DOCK4: variants seen among roughly 807,000 people sequenced by gnomAD.
The protein encoded by DOCK4 is dedicator of cytokinesis protein 4.
A neutral mutation model predicts 268.1 loss-of-function variants in DOCK4; 97 were observed. That is an observed-to-expected ratio of 0.36 (90% CI 0.31 to 0.43). The LOEUF (loss-of-function observed/expected upper bound fraction) is 0.43. Ranked by LOEUF, DOCK4 falls within the 20% of genes least tolerant of loss-of-function variation. The probability of loss-of-function intolerance (pLI) is 1.00; values close to 1 mark genes in which losing one functional copy is unlikely to be tolerated. For synonymous variants in DOCK4, 954 were observed against 887.2 expected (o/e 1.08, Z -1.34); for missense variants, 2,145 against 2,455.7 (o/e 0.87, Z 2.67).
chr7:111,943,105 T>C (rs1437110365), intron 10 of DOCK4, among the ~76,000 whole-genome samples: 1 of 152,218 alleles, frequency 6.6e-6, no homozygotes. Context: ...GGTCTCAAAA[T>C]GTTGAACTGG....
At chr7:112,017,724 C>T (rs1327784399) in intron 1 of DOCK4, among the ~76,000 whole-genome samples, 2 of 152,116 alleles carry the variant, frequency 1.3e-5, no homozygotes, top group Non-Finnish European at 2.9e-5. Context: ...GCACTGAGAA[C>T]ACCAATCTCT....
intron 1 of DOCK4, among the ~76,000 whole-genome samples, chr7:112,166,459 A>G (rs955022207): frequency 6.6e-6 from 1 of 152,216 alleles, no homozygotes; most frequent in South Asian, 2.1e-4. Flanking sequence ...TTTTGTGTGT[A>G]TGTGCGTACG....
At chr7:111,908,461 A>AAATAATAATAATAATAATAAT (rs3055494) in intron 13 of DOCK4, among the ~76,000 whole-genome samples, 10,393 of 150,072 alleles carry the variant, frequency 0.069, 498 homozygotes, top group African/African-American at 0.13. Flanking sequence ...AAAATAAATA[A>AAATAATAATAATAATAATAAT]AATAATAATA....
intron 1 of DOCK4, among the ~76,000 whole-genome samples, chr7:112,128,878 C>T (rs537130397): frequency 4.0e-4 from 61 of 151,902 alleles, no homozygotes; most frequent in Non-Finnish European, 7.4e-4. Context: ...CCTGCCAAAT[C>T]CCCCTCTGCG....
At chr7:112,108,902 T>A (rs201051853) in intron 1 of DOCK4, among the ~76,000 whole-genome samples, 1 of 152,142 alleles carries the variant, frequency 6.6e-6, no homozygotes, top group African/African-American at 2.4e-5. Flanking sequence ...GACCCCTTAT[T>A]TCTGAGCACT....
chr7:111,752,747 C>T lies in DOCK4; in HGVS notation c.4416+2768G>A, dbSNP rs1365783268. On this transcript the variant is annotated intron_variant, in intron 42 of 52. Transcript: ENST00000428084. ...GACTACAGGTGCGTGCCACCATGCC[C>T]GGCTACTTTTTTGTATTTTTAGTAC... Among the ~76,000 whole-genome samples, 5 of 151,440 alleles carry T rather than the reference C, an allele frequency of 3.3e-5. No individual in the cohort carries two copies. In the South Asian group the frequency reaches 1.0e-3, roughly 32 times the overall value.
chr7:111,960,782 T>C (rs1796815012), intron 8 of DOCK4, among the ~76,000 whole-genome samples: 1 of 152,156 alleles, frequency 6.6e-6, no homozygotes, highest in Non-Finnish European at 1.5e-5. Flanking sequence ...CATGCACTCT[T>C]TGTCTCTCTG....
intron 30 of DOCK4, among the ~76,000 whole-genome samples, chr7:111,802,797 C>A (rs577569855): frequency 6.6e-6 from 1 of 152,076 alleles, no homozygotes; most frequent in Non-Finnish European, 1.5e-5. Context: ...TAAAAAAAAT[C>A]CATACATCCA....
chr7:111,751,443 T>A (rs542284312), intron 42 of DOCK4, among the ~76,000 whole-genome samples: 122 of 150,426 alleles, frequency 8.1e-4, no homozygotes, highest in African/African-American at 2.0e-3. Context: ...GTAAAAATAT[T>A]TTTTTTTTTT....
intron 1 of DOCK4, among the ~76,000 whole-genome samples, chr7:112,078,983 C>A (rs1586779018): frequency 6.6e-6 from 1 of 152,062 alleles, no homozygotes; most frequent in African/African-American, 2.4e-5. Context: ...AAAAATTAGC[C>A]GGGTATGGTG....
At chr7:111,780,491 G>T (rs2133745926) in intron 35 of DOCK4, among the ~76,000 whole-genome samples, 1 of 152,218 alleles carries the variant, frequency 6.6e-6, no homozygotes, top group East Asian at 1.9e-4. Flanking sequence ...GTAAGAAGCA[G>T]CTTTGAGAAC....
intron 6 of DOCK4, among the ~76,000 whole-genome samples, chr7:111,984,721 C>A (rs1798916763): frequency 6.6e-6 from 1 of 152,176 alleles, no homozygotes; most frequent in African/African-American, 2.4e-5. Context: ...GCCTTCCACA[C>A]TGGAGTGAAT....
chr7:111,786,304 GCA>G (rs1799160330), intron 32 of DOCK4, among the ~76,000 whole-genome samples: 1 of 152,130 alleles, frequency 6.6e-6, no homozygotes, highest in Admixed American at 6.5e-5. Flanking sequence ...TGCTTCCACA[GCA>G]CAGTCACTGC....
chr7:112,078,438 A>C (rs1808276373), intron 1 of DOCK4, among the ~76,000 whole-genome samples: 2 of 152,194 alleles, frequency 1.3e-5, no homozygotes, highest in African/African-American at 4.8e-5. Flanking sequence ...AGGTATTATA[A>C]GTCTTATTAT....
intron 8 of DOCK4, among the ~76,000 whole-genome samples, chr7:111,963,140 T>C (rs983258755): frequency 6.6e-6 from 1 of 151,966 alleles, no homozygotes; most frequent in Non-Finnish European, 1.5e-5. Context: ...ATAAGGGAGG[T>C]AGTCAACCAG....
At chr7:112,164,836 G>A (rs755394496) in intron 1 of DOCK4, among the ~76,000 whole-genome samples, 1 of 152,202 alleles carries the variant, frequency 6.6e-6, no homozygotes, top group Non-Finnish European at 1.5e-5. Flanking sequence ...GGCAAAGCCA[G>A]AATATGCTCC....
chr7:112,058,682 T>C (rs1806074931), intron 1 of DOCK4, among the ~76,000 whole-genome samples: 1 of 152,026 alleles, frequency 6.6e-6, no homozygotes, highest in Non-Finnish European at 1.5e-5. Context: ...ATAAGGGTCA[T>C]AGACAGAATA....
chr7:111,940,284 G>T, intron 10 of DOCK4, 42 bp from the exon 11 acceptor site: 1 of 1,612,936 alleles, frequency 6.2e-7, no homozygotes, highest in South Asian at 1.1e-5. Context: ...GGAGCCATTT[G>T]ATTAGATGCA....
rs992441524 is a variant in DOCK4, at chr7:112,075,281, G to A, written c.38-71150C>T. Among the ~76,000 whole-genome samples, 21 of 152,160 alleles carry A rather than the reference G, an allele frequency of 1.4e-4. 1 individual carries two copies. Among genetic ancestry groups the A allele is most frequent in the Middle Eastern group, 6.3e-3 (2 of 316 alleles). The stretch of plus-strand genomic sequence containing the variant: ...CCTGCTCATGAAAATAATTTTTGCA[G>A]GGAAAGAGAGGCAAGACTGGAGGAG... On this transcript the variant is annotated intron_variant, in intron 1 of 52. Coordinates refer to ENST00000428084, the MANE Select transcript of DOCK4 (RefSeq NM_001363540.2).
Sources: gnomAD v4.1 joint callset for allele counts (sites outside exome capture counted in the v4.1 genomes callset) on GRCh38, gnomAD v4.1.1 for gene constraint, MANE v1.5 for transcripts, NCBI Gene and HGNC (gene_info 2026-07-23, HGNC 2026-07-21) for gene names.